The following ZDHHC19 variants were observed in gnomAD, a reference collection of about 807,000 sequenced individuals.
ZDHHC19 encodes the protein palmitoyltransferase ZDHHC19.
A neutral mutation model predicts 33.9 loss-of-function variants in ZDHHC19; 30 were observed. The ratio of observed to expected loss-of-function variants is 0.88; its 90% confidence interval spans 0.66 to 1.20. The LOEUF (loss-of-function observed/expected upper bound fraction) is 1.20. ZDHHC19 is among the 50% of genes most tolerant of loss of function. The pLI is 0.00. For synonymous variants in ZDHHC19, 178 were observed against 167.6 expected (o/e 1.06, Z -0.48); for missense variants, 364 against 401.1 (o/e 0.91, Z 0.79).
In ZDHHC19 at chr3:196,197,608, G is replaced by A. The variant is rs181761323; in HGVS notation, c.*137C>T. The A allele has an allele frequency of 3.0e-3, 455 of 152,966 alleles. 17 individuals are homozygous for A. In the South Asian group the frequency reaches 0.067, roughly 23 times the overall value. 9.5% of individuals were successfully genotyped at this position (152,966 alleles called of 1,614,324 possible). A position where few individuals can be genotyped will look rare whatever the true frequency, so the allele number is the denominator to read the frequency against. ...GGAGGCGGGTTCAGGAGGCGGGTTC[G>A]GAGGTGAGCTCAGGTGCTGGTGCTG... is the stretch of plus-strand genomic sequence containing the variant. On this transcript the variant is annotated 3_prime_UTR_variant, in exon 8 of 8. Transcript: ENST00000296326. This position sits in a 1 kb window ranked among gnomAD's most constrained non-coding sequence, Gnocchi z 4.4.
At chr3:196,210,881 T>C in intron 1 of ZDHHC19, 144 bp from the exon 2 acceptor site, 1 of 1,331,244 alleles carries the variant, frequency 7.5e-7, no homozygotes, top group Non-Finnish European at 1.0e-6. Context: ...AGACTCATAA[T>C]GGCTCCACCA....
Position 196,198,198 on chromosome 3 carries a change from C to T in ZDHHC19, c.*19+78G>A, listed in dbSNP as rs534615315. ...TCAGGGTCAGCCAAACCTCAGGGGCCTCCCCCCACACCCTCACAACCTGCA... is the reference window on the plus strand; with the variant it reads ...TCAGGGTCAGCCAAACCTCAGGGGCTTCCCCCCACACCCTCACAACCTGCA... On this transcript the variant is annotated intron_variant, in intron 7 of 7. Transcript: ENST00000296326. 116 of 1,327,042 alleles carry T rather than the reference C, an allele frequency of 8.7e-5. 1 individual carries two copies. Among genetic ancestry groups the T allele is most frequent in the Non-Finnish European group, 1.1e-5 (11 of 1,026,004 alleles). The allele number at this position is 1,327,042 out of a possible 1,614,324, so 82.2% of individuals were successfully genotyped here. A position where few individuals can be genotyped will look rare whatever the true frequency, so the allele number is the denominator to read the frequency against.
In ZDHHC19 at chr3:196,206,982, C is replaced by A. The variant is rs897021834; in HGVS notation, c.687+416G>T. 2.0e-5 allele frequency among the ~76,000 whole-genome samples: 3 copies of A among 152,134 alleles called. No individual in the cohort carries two copies. The East Asian group carries it at 5.8e-4, about 29-fold the overall frequency. ...TCTCCGTCTTCTGTCTCTCCCGAAC[C>A]CCTAAGCTGCACGTCCTACCCTACC... is the stretch of plus-strand genomic sequence containing the variant. On this transcript the variant is annotated intron_variant, in intron 5 of 7. Coordinates refer to ENST00000296326, the MANE Select transcript of ZDHHC19 (RefSeq NM_001039617.2).
In ZDHHC19 at chr3:196,198,351, G is replaced by A; in HGVS notation, c.874C>T (p.Pro292Ser). The part of the protein sequence containing the change: ...PPMSPSALNP[P>S]APTSGSLQSR... ...TGTAGGGACCCAGAGGTTGGGGCTG[G>A]GGGGTTGAGAGCAGAGGGGGACATT... The change falls in exon 7 of 8, where the codon CCA becomes TCA. Residue 292 changes from proline to serine, a missense_variant. Transcript: ENST00000296326. 6.6e-7 allele frequency: 1 copy of A among 1,521,366 alleles called. No homozygotes were observed. Among genetic ancestry groups the A allele is most frequent in the South Asian group, 1.3e-5 (1 of 76,066 alleles). 94.2% of individuals were successfully genotyped at this position (1,521,366 alleles called of 1,614,324 possible).
In ZDHHC19 at chr3:196,211,216, T is replaced by A; in HGVS notation, c.100A>T (p.Asn34Tyr). The A allele has an allele frequency of 6.2e-7, 1 of 1,613,982 alleles. No homozygotes were observed. The highest frequency in any genetic ancestry group is 8.5e-7 in the Non-Finnish European group (1 of 1,179,980). ...CTGAAAAAGACCAGCAGCACCACAT[T>A]GAAGGCAGCAAAGAGGCTAGGGAGG... is the stretch of plus-strand genomic sequence containing the variant. ...WFLPSLFAAF[N>Y]VVLLVFFSGL... The change falls in exon 1 of 8, where the codon AAT becomes TAT. Residue 34 changes from asparagine to tyrosine, a missense_variant. By Grantham distance (143) the Asn-to-Tyr change is moderately radical. Transcript: ENST00000296326.
intron 5 of ZDHHC19, among the ~76,000 whole-genome samples, chr3:196,202,901 G>A (rs920457843): frequency 1.3e-5 from 2 of 152,164 alleles, no homozygotes; most frequent in Non-Finnish European, 2.9e-5. Flanking sequence ...GGAGGCTGGC[G>A]ATGTTAAGGG....
intron 1 of ZDHHC19, 123 bp downstream of exon 1, chr3:196,211,047 G>C: frequency 6.7e-7 from 1 of 1,502,208 alleles, no homozygotes; most frequent in East Asian, 2.4e-5. Flanking sequence ...CCCTCGAACA[G>C]AATATCCCCT....
intron 5 of ZDHHC19, chr3:196,202,287 CT>C (rs1464696921): frequency 1.3e-5 from 2 of 151,984 alleles, no homozygotes; most frequent in East Asian, 1.9e-4. Context: ...CGCCATTGCA[CT>C]CCAGCCGGGA....
chr3:196,202,705 C>T (rs1055977657), intron 5 of ZDHHC19, among the ~76,000 whole-genome samples: 9 of 152,184 alleles, frequency 5.9e-5, no homozygotes, highest in East Asian at 1.9e-4. Flanking sequence ...CTGCTGTGTG[C>T]GGTCCGGAAA....
At position 196,209,438 on chromosome 3, in the gene ZDHHC19, T is replaced by C. The variant is rs1219300903; in HGVS notation, c.346A>G (p.Lys116Glu). ...CGGGGCGGGCGGTGGAAGCAGCACT[T>C]TGGACACCATTGCAGGCGGAAGGCC... ...HGAFRLQWCP[K>E]CCFHRPPRTY... The change falls in exon 3 of 8, where the codon AAG becomes GAG. Residue 116 changes from lysine (K) to glutamate (E), a missense_variant. Transcript: ENST00000296326. 6.2e-7 allele frequency: 1 copy of C among 1,611,074 alleles called. No individual in the cohort carries two copies. Among genetic ancestry groups the C allele is most frequent in the African/African-American group, 1.3e-5 (1 of 74,906 alleles).
intron 4 of ZDHHC19, among the ~76,000 whole-genome samples, 178 bp downstream of exon 4, chr3:196,208,210 A>G (rs1438729808): frequency 6.6e-6 from 1 of 151,514 alleles, no homozygotes; most frequent in Non-Finnish European, 1.5e-5. Context: ...GGGGAGGCTT[A>G]ACGCTCCGCC....
At chr3:196,201,725 A>C (rs71323706) in intron 5 of ZDHHC19, among the ~76,000 whole-genome samples, 39,835 of 151,736 alleles carry the variant, frequency 0.26, 5,486 homozygotes, top group Middle Eastern at 0.35. Flanking sequence ...TGTCTCAAAA[A>C]ATAAAAAAAG....
At chr3:196,199,197 G>A (rs1022196130) in intron 5 of ZDHHC19, 13 of 318,686 alleles carry the variant, frequency 4.1e-5, no homozygotes, top group Non-Finnish European at 8.0e-5. Context: ...CCTTGAACAC[G>A]CAATGCGGTA....
rs574743356 is a variant in ZDHHC19 at position 196,198,937 on chromosome 3, C to G, written c.688-63G>C. 83 of 1,542,116 alleles carry G rather than the reference C, an allele frequency of 5.4e-5. No individual in the cohort carries two copies. In the African/African-American group the frequency reaches 1.0e-3, roughly 19 times the overall value. On this transcript the variant is annotated intron_variant, in intron 5 of 7. Transcript: ENST00000296326. Reference sequence around the variant, plus strand: ...CAGCAGGAATGGCTGGGCCATCGCCCAGTGGCCCTCCCTGAGCTGGTCAGC... The same window carrying G: ...CAGCAGGAATGGCTGGGCCATCGCCGAGTGGCCCTCCCTGAGCTGGTCAGC...
chr3:196,200,864 G>A lies in ZDHHC19; in HGVS notation c.688-1990C>T, dbSNP rs549643995. Among the ~76,000 whole-genome samples the A allele has an allele frequency of 7.9e-4, 120 of 151,538 alleles. 1 individual carries two copies. Among genetic ancestry groups the A allele is most frequent in the Non-Finnish European group, 1.3e-3 (90 of 67,962 alleles). On this transcript the variant is annotated intron_variant, in intron 5 of 7. Coordinates refer to ENST00000296326, the MANE Select transcript of ZDHHC19 (RefSeq NM_001039617.2). ...GGGGTCTGGCTATGTTGCCCAGGCTGGTCTTGAACTCCTGGCCTCAAGCGA... is the reference window on the plus strand; with the variant it reads ...GGGGTCTGGCTATGTTGCCCAGGCTAGTCTTGAACTCCTGGCCTCAAGCGA...
chr3:196,206,208 C>T (rs1184391385), intron 5 of ZDHHC19, among the ~76,000 whole-genome samples: 2 of 151,030 alleles, frequency 1.3e-5, no homozygotes, highest in Middle Eastern at 3.3e-3. Context: ...TGCCCCACCA[C>T]ACCTGGCTAA....
chr3:196,207,401 G>T lies in ZDHHC19; in HGVS notation c.684C>A (p.Gly228=). The T allele has an allele frequency of 6.4e-7, 1 of 1,559,168 alleles. No homozygotes were observed. ...GACCACCCGCGGCCCCGCGTACCTT[G>T]CCCTTGTAGGTGCGGTCGGCCGAGC... ...SVSSADRTYK[G]KCRHLQGYNP... Residue 228 remains glycine, a synonymous_variant, in exon 5 of 8, where the codon GGC becomes GGA. Coordinates refer to ENST00000296326, the MANE Select transcript of ZDHHC19 (RefSeq NM_001039617.2).
intron 5 of ZDHHC19, among the ~76,000 whole-genome samples, chr3:196,200,338 ATATATG>A (rs1160089435): frequency 1.6e-5 from 1 of 62,222 alleles, no homozygotes; most frequent in African/African-American, 6.9e-5. Flanking sequence ...ATATATATAT[ATATATG>A]TATATATATA....
intron 6 of ZDHHC19, 46 bp from the exon 7 acceptor site, chr3:196,198,497 C>A: frequency 6.3e-7 from 1 of 1,597,950 alleles, no homozygotes; most frequent in South Asian, 1.1e-5. Context: ...CCTCCCTGGT[C>A]CGGCTCCCCT....
Sources: allele counts gnomAD v4.1 joint callset (sites outside exome capture counted in the v4.1 genomes callset), GRCh38; gene constraint gnomAD v4.1.1; non-coding constraint Gnocchi (gnomAD v3.1); transcripts MANE v1.5; gene names NCBI Gene and HGNC (gene_info 2026-07-23, HGNC 2026-07-21).